Variants in CACNA1B observed in about 807,000 individuals in gnomAD.
CACNA1B encodes voltage-dependent N-type calcium channel subunit alpha-1B.
In CACNA1B, 70 loss-of-function variants were observed where a neutral mutation model predicts 247.2. The observed-to-expected ratio is 0.28, with a 90% confidence interval of 0.23 to 0.35. The LOEUF (loss-of-function observed/expected upper bound fraction) is 0.35. Among genes scored for constraint, CACNA1B ranks in the 10% least tolerant of loss-of-function variants. The pLI, the probability that CACNA1B is intolerant of heterozygous loss-of-function variation, is 1.00. For synonymous variants in CACNA1B, 1,231 were observed against 1,294.4 expected, an observed-to-expected ratio of 0.95 and a Z score of 1.05; for missense variants, 2,367 against 3,197.4, an observed-to-expected ratio of 0.74 and a Z score of 6.26.
intron 15 of CACNA1B, 121 bp from the exon 16 acceptor site, chr9:138,006,646 A>ATGTGTGGACGTGGCAGTG: frequency 1.5e-6 from 1 of 661,076 alleles, no homozygotes; most frequent in African/African-American, 1.8e-5. Flanking sequence ...CTGGATGTGC[A>ATGTGTGGACGTGGCAGTG]TGTGTGGACG....
intron 13 of CACNA1B, among the ~76,000 whole-genome samples, 176 bp downstream of exon 13, chr9:137,984,426 C>T (rs1336927829): frequency 6.6e-6 from 1 of 152,244 alleles, no homozygotes; most frequent in African/African-American, 2.4e-5. Context: ...CACATCTGCC[C>T]TCAGGGCCAT....
At chr9:137,931,861 T>C (rs151203527) in intron 6 of CACNA1B, among the ~76,000 whole-genome samples, 34 of 152,258 alleles carry the variant, frequency 2.2e-4, no homozygotes, top group Non-Finnish European at 4.4e-4. Context: ...AAGGCAAATA[T>C]AGTCATTAGT....
intron 31 of CACNA1B, chr9:138,068,517 T>A: frequency 2.0e-6 from 1 of 490,856 alleles, no homozygotes; most frequent in South Asian, 1.5e-5. Flanking sequence ...GCCTCCTCCC[T>A]GTGCGTCTCG....
At chr9:138,044,258 C>T (rs1959166980) in intron 21 of CACNA1B, among the ~76,000 whole-genome samples, 2 of 152,260 alleles carry the variant, frequency 1.3e-5, no homozygotes, top group Non-Finnish European at 2.9e-5. Flanking sequence ...CGTGTGTGCA[C>T]TGTGTTTATT....
chr9:137,952,279 C>G lies in CACNA1B; in HGVS notation c.972C>G (p.Asn324Lys). Residue 324 changes from asparagine to lysine, a missense_variant, in exon 7 of 47, where the codon AAC (asparagine) becomes AAG (lysine). Physicochemically the swap from Asn to Lys is moderately conservative, Grantham distance 94 (BLOSUM62 0). Transcript: ENST00000371372. This position sits in a 1 kb window ranked among gnomAD's most constrained non-coding sequence, Gnocchi z 4.8. Reference protein sequence around the residue: ...EGWTDILYNTNDAAGNTWNWL... With the variant: ...EGWTDILYNTKDAAGNTWNWL... ...CTCCCTCTCCTTGCTTCCAGACAAACGATGCGGCCGGCAACACCTGGAACT... is the reference window on the plus strand; with the variant it reads ...CTCCCTCTCCTTGCTTCCAGACAAAGGATGCGGCCGGCAACACCTGGAACT... 6.2e-7 allele frequency: 1 copy of G among 1,613,516 alleles called. No homozygotes were observed. Among genetic ancestry groups the G allele is most frequent in the Non-Finnish European group, 8.5e-7 (1 of 1,179,562 alleles).
chr9:137,949,327 TG>T (rs1957849976), intron 6 of CACNA1B, among the ~76,000 whole-genome samples: 1 of 23,928 alleles, frequency 4.2e-5, no homozygotes, highest in Non-Finnish European at 9.0e-5. Context: ...ACGTATGGTG[TG>T]CGTGTAGGTG....
At chr9:138,009,883 T>C (rs922521922) in intron 16 of CACNA1B, 127 bp from the exon 17 acceptor site, 3 of 698,850 alleles carry the variant, frequency 4.3e-6, no homozygotes, top group African/African-American at 3.5e-5. Context: ...GATGGGGCCT[T>C]GGGGAGCTGG....
Position 137,975,978 on chromosome 9 carries a change from AGAAGC to A in CACNA1B, c.1616_1620del (p.Arg539IlefsTer20). The A allele has an allele frequency of 6.2e-7, 1 of 1,613,534 alleles. No homozygotes were observed. Among genetic ancestry groups the A allele is most frequent in the Non-Finnish European group, 8.5e-7 (1 of 1,179,450 alleles). ...CCTGAAGATGTATGGCCTGGGGCCC[AGAAGC>A]TACTTCCGGTCCTCCTTCAACTGCT... On this transcript the variant is annotated frameshift_variant, in exon 12 of 47. Coordinates refer to ENST00000371372, the MANE Select transcript of CACNA1B (RefSeq NM_000718.4). LOFTEE classifies it high-confidence loss of function.
chr9:137,894,063 T>C (rs1957141770), intron 3 of CACNA1B, among the ~76,000 whole-genome samples: 1 of 152,252 alleles, frequency 6.6e-6, no homozygotes, highest in Admixed American at 6.5e-5. Flanking sequence ...TGAAATACTA[T>C]GAACAAAGCT....
chr9:138,015,719 A>T (rs1415979605), intron 18 of CACNA1B, among the ~76,000 whole-genome samples: 1 of 152,238 alleles, frequency 6.6e-6, no homozygotes, highest in African/African-American at 2.4e-5. Flanking sequence ...GTGCCAGAAC[A>T]TGCCTCAGAA....
intron 3 of CACNA1B, among the ~76,000 whole-genome samples, chr9:137,892,988 G>C (rs1437379219): frequency 6.6e-6 from 1 of 152,208 alleles, no homozygotes; most frequent in Non-Finnish European, 1.5e-5. Flanking sequence ...ACACGGGAGG[G>C]GGGCCGCCAT....
intron 15 of CACNA1B, among the ~76,000 whole-genome samples, chr9:137,995,179 TC>T (rs1217586800): frequency 2.1e-5 from 3 of 142,492 alleles, no homozygotes; most frequent in Non-Finnish European, 4.5e-5. Context: ...TCCATTGCAC[TC>T]CAGTCTGGGT....
At chr9:138,006,042 CA>C (rs11288171) in intron 15 of CACNA1B, among the ~76,000 whole-genome samples, 21,588 of 67,706 alleles carry the variant, frequency 0.32, 1,813 homozygotes, top group East Asian at 0.56. Context: ...GACTCCATGT[CA>C]AAAAAAAAAA....
intron 42 of CACNA1B, among the ~76,000 whole-genome samples, chr9:138,117,293 G>C (rs944680309): frequency 1.3e-5 from 2 of 151,716 alleles, no homozygotes; most frequent in Non-Finnish European, 2.9e-5. Flanking sequence ...TTGGGGGGGG[G>C]GTCAGAGAAG....
Position 137,904,256 on chromosome 9 carries a change from C to A in CACNA1B, c.531-8924C>A, listed in dbSNP as rs957972312. Among the ~76,000 whole-genome samples, 4 of 151,928 alleles carry A rather than the reference C, an allele frequency of 2.6e-5. 1 individual carries two copies. In the South Asian group the frequency reaches 8.3e-4, roughly 32 times the overall value. On this transcript the variant is annotated intron_variant, in intron 3 of 46. Transcript: ENST00000371372. Reference sequence around the variant, plus strand: ...GCATGTAAAACCCAGAGTGCTGGGCCCTGCCCTCTGATTTCTGAGTTCTTT... The same window carrying A: ...GCATGTAAAACCCAGAGTGCTGGGCACTGCCCTCTGATTTCTGAGTTCTTT...
In CACNA1B at chr9:138,058,199, C is replaced by T; in HGVS notation, c.4257C>T (p.Phe1419=). 2 of 1,614,008 alleles carry T rather than the reference C, an allele frequency of 1.2e-6. No homozygotes were observed. Among genetic ancestry groups the T allele is most frequent in the Non-Finnish European group, 1.7e-6 (2 of 1,179,850 alleles). ...NIFVALIIIT[F]QEQGDKVMSE... is the part of the protein sequence containing the mutation. ...TTGTGGCTTTGATCATCATCACCTT[C>T]CAGGAGCAGGGGGACAAGGTGATGT... The change falls in exon 28 of 47, where the codon TTC becomes TTT. Residue 1419 remains phenylalanine, a synonymous_variant. Coordinates refer to ENST00000371372, the MANE Select transcript of CACNA1B (RefSeq NM_000718.4). The surrounding 1 kb of genome is among the most constrained non-coding windows in gnomAD (Gnocchi z 4.7).
intron 17 of CACNA1B, 32 bp from the exon 18 acceptor site, chr9:138,013,097 G>T: frequency 6.5e-7 from 1 of 1,527,844 alleles, no homozygotes; most frequent in South Asian, 1.1e-5. Context: ...AACACTGTGA[G>T]GGGAACTGGA....
rs1959267634 is a variant in CACNA1B at position 138,051,315 on chromosome 9, C to T, written c.3711-777C>T. On this transcript the variant is annotated intron_variant, in intron 24 of 46. Transcript: ENST00000371372. This position sits in a 1 kb window ranked among gnomAD's most constrained non-coding sequence, Gnocchi z 4.3. ...TTTCTTGGAGGGGCCCTGATTGAGG[C>T]CCTCTGGTTCTGTACTTCTGCTTGC... 6.6e-6 allele frequency among the ~76,000 whole-genome samples: 1 copy of T among 151,896 alleles called. No individual in the cohort carries two copies. Among genetic ancestry groups the T allele is most frequent in the East Asian group, 2.0e-4 (1 of 5,098 alleles).
chr9:137,912,201 G>T (rs1957366651), intron 3 of CACNA1B, among the ~76,000 whole-genome samples: 1 of 152,210 alleles, frequency 6.6e-6, no homozygotes, highest in Non-Finnish European at 1.5e-5. Flanking sequence ...GGGAATAACG[G>T]ACATGCGTGA....
Sources: allele counts gnomAD v4.1 joint callset (sites outside exome capture counted in the v4.1 genomes callset), GRCh38; gene constraint gnomAD v4.1.1; non-coding constraint Gnocchi (gnomAD v3.1); transcripts MANE v1.5; gene names NCBI Gene and HGNC (gene_info 2026-07-23, HGNC 2026-07-21).